Variants in MYO16 observed in about 807,000 individuals in gnomAD.
MYO16 encodes unconventional myosin-XVI.
MYO16 carries 94 observed loss-of-function variants against 205.3 expected under a neutral mutation model. The observed-to-expected ratio is 0.46, with a 90% CI of 0.39 to 0.54. The LOEUF (loss-of-function observed/expected upper bound fraction) is 0.54, where lower values mean the gene tolerates loss of function less well. MYO16 is among the 20% of genes least tolerant of loss of function. MYO16 has a pLI of 0.00. For missense variants in MYO16, 2,315 were observed against 2,387.5 expected (o/e 0.97, Z 0.63); for synonymous variants, 988 against 954.0 (o/e 1.04, Z -0.66).
chr13:108,794,890 G>A (rs866710880), intron 6 of MYO16, among the ~76,000 whole-genome samples: 6 of 152,160 alleles, frequency 3.9e-5, no homozygotes, highest in Admixed American at 6.6e-5. Flanking sequence ...GTGTGAGGTT[G>A]AAGACAGTTG....
intron 4 of MYO16, among the ~76,000 whole-genome samples, chr13:108,729,757 T>C (rs929219345): frequency 1.3e-5 from 2 of 152,212 alleles, no homozygotes; most frequent in Non-Finnish European, 2.9e-5. Flanking sequence ...TTGTGAGATC[T>C]CAGTTTCACT....
intron 23 of MYO16, among the ~76,000 whole-genome samples, chr13:109,038,533 C>T (rs936682046): frequency 3.3e-5 from 5 of 152,076 alleles, no homozygotes; most frequent in African/African-American, 1.2e-4. Flanking sequence ...GTCGACTTTC[C>T]TGGGTCTCCA....
At chr13:109,095,719 G>A (rs1305752563) in intron 27 of MYO16, among the ~76,000 whole-genome samples, 1 of 152,136 alleles carries the variant, frequency 6.6e-6, no homozygotes, top group Non-Finnish European at 1.5e-5. Context: ...AGACAATTAT[G>A]AGAGAGAATT....
chr13:108,631,586 C>G (rs980653860), intron 1 of MYO16, among the ~76,000 whole-genome samples: 1 of 152,154 alleles, frequency 6.6e-6, no homozygotes, highest in Admixed American at 6.5e-5. Flanking sequence ...TACTAAAGAT[C>G]TGACTGCTTT....
intron 16 of MYO16, among the ~76,000 whole-genome samples, chr13:108,918,381 C>T (rs1478040129): frequency 6.6e-6 from 1 of 152,186 alleles, no homozygotes; most frequent in Non-Finnish European, 1.5e-5. Context: ...TTTTGAGTGT[C>T]AGGCACAACA....
At chr13:109,113,028 A>G (rs1875474733) in intron 28 of MYO16, among the ~76,000 whole-genome samples, 2 of 152,248 alleles carry the variant, frequency 1.3e-5, no homozygotes, top group Non-Finnish European at 2.9e-5. Context: ...TACAAGGTAC[A>G]CTAGTGACAT....
chr13:108,778,410 G>A (rs1006416309), intron 4 of MYO16, among the ~76,000 whole-genome samples: 1 of 152,176 alleles, frequency 6.6e-6, no homozygotes, highest in Admixed American at 6.5e-5. Flanking sequence ...CTTGAGGTCA[G>A]GAGTTCAAGA....
Position 109,141,437 on chromosome 13 carries a change from T to C in MYO16, c.5164+61T>C. 3 of 1,109,264 alleles carry C rather than the reference T, an allele frequency of 2.7e-6. No homozygotes were observed. Among genetic ancestry groups the C allele is most frequent in the Middle Eastern group, 2.1e-4 (1 of 4,860 alleles). The allele number at this position is 1,109,264 out of a possible 1,614,324, so 68.7% of individuals were successfully genotyped here. On this transcript the variant is annotated intron_variant, in intron 32 of 34. Transcript: ENST00000457511. The surrounding 1 kb of genome is among the most constrained non-coding windows in gnomAD (Gnocchi z 4.1). ...TGGACGCTGTGCTTGCGTGCACCTG[T>C]GTACATCCGTGTCTGCGCAGATGTG... is the stretch of plus-strand genomic sequence containing the variant.
chr13:109,175,958 A>T (rs1010237766), intron 33 of MYO16, among the ~76,000 whole-genome samples: 7 of 152,202 alleles, frequency 4.6e-5, no homozygotes, highest in Non-Finnish European at 1.0e-4. Context: ...TATGTTAAAA[A>T]AAAAAAAGTT....
intron 1 of MYO16, among the ~76,000 whole-genome samples, chr13:108,598,530 CT>C (rs1161390323): frequency 1.3e-5 from 2 of 152,120 alleles, no homozygotes; most frequent in Non-Finnish European, 2.9e-5. Context: ...TAGGTTGACA[CT>C]TTTTGTTTTG....
At position 108,793,160 on chromosome 13, in the gene MYO16, C is replaced by T. The variant is rs557299920; in HGVS notation, c.617-356C>T. Among the ~76,000 whole-genome samples, 4 of 151,876 alleles carry T rather than the reference C, an allele frequency of 2.6e-5. No individual in the cohort carries two copies. The East Asian group carries it at 7.7e-4, about 29-fold the overall frequency. ...AATTAGCCGGGCGCAGTGGCGGGCGCCTGTAGTCCCAGCTACTCAGAAGGC... is the reference window on the plus strand; with the variant it reads ...AATTAGCCGGGCGCAGTGGCGGGCGTCTGTAGTCCCAGCTACTCAGAAGGC... On this transcript the variant is annotated intron_variant, in intron 5 of 34. Coordinates refer to ENST00000457511, the MANE Select transcript of MYO16 (RefSeq NM_001198950.3).
At chr13:109,170,643 G>A (rs879502281) in intron 33 of MYO16, among the ~76,000 whole-genome samples, 5 of 150,848 alleles carry the variant, frequency 3.3e-5, no homozygotes, top group Admixed American at 6.6e-5. Context: ...CTACAGCTTC[G>A]GAAATGATCC....
chr13:108,536,297 G>A, the MYO16 span, among the ~76,000 whole-genome samples: 5 of 152,122 alleles, frequency 3.3e-5, no homozygotes, highest in East Asian at 9.7e-4. Context: ...CCTTCTCAGG[G>A]ATTTAGTTTT....
intron 4 of MYO16, among the ~76,000 whole-genome samples, chr13:108,751,184 T>C (rs1185137537): frequency 1.3e-5 from 2 of 152,094 alleles, no homozygotes; most frequent in African/African-American, 4.8e-5. Flanking sequence ...CCCCATATAA[T>C]TCTCCAATTA....
rs534505884 is a variant in MYO16 at position 108,904,952 on chromosome 13, G to A, written c.1778-5051G>A. The stretch of plus-strand genomic sequence containing the variant: ...CACAAAACTGTCTCACCAAACATAC[G>A]CAGATAAAGTAAAATAATATACTGT... On this transcript the variant is annotated intron_variant, in intron 15 of 34. Coordinates refer to ENST00000457511, the MANE Select transcript of MYO16 (RefSeq NM_001198950.3). Among the ~76,000 whole-genome samples, 40 of 152,200 alleles carry A rather than the reference G, an allele frequency of 2.6e-4. No individual in the cohort carries two copies. The East Asian group carries it at 5.4e-3, about 21-fold the overall frequency.
chr13:108,629,985 C>G (rs976136563), intron 1 of MYO16, 113 bp downstream of exon 1: 5 of 786,348 alleles, frequency 6.4e-6, no homozygotes, highest in Non-Finnish European at 6.0e-6. Flanking sequence ...AGATGAGTGA[C>G]ATAGACTGGT....
intron 2 of MYO16, among the ~76,000 whole-genome samples, chr13:108,689,561 A>G (rs1252587952): frequency 4.6e-5 from 7 of 152,194 alleles, no homozygotes; most frequent in African/African-American, 1.4e-4. Flanking sequence ...TGCAATTATC[A>G]TATTTAGTAA....
chr13:108,509,704 G>A, the MYO16 span, among the ~76,000 whole-genome samples: 253 of 152,238 alleles, frequency 1.7e-3, no homozygotes, highest in African/African-American at 5.3e-3. Context: ...GTTAAATGAC[G>A]AGTTAATGGG....
At chr13:108,888,980 G>A (rs1031991585) in intron 14 of MYO16, among the ~76,000 whole-genome samples, 3 of 152,054 alleles carry the variant, frequency 2.0e-5, no homozygotes, top group Non-Finnish European at 4.4e-5. Context: ...GCTTGAAGCC[G>A]GGAGGCAGAG....
Sources: allele counts gnomAD v4.1 joint callset (sites outside exome capture counted in the v4.1 genomes callset), GRCh38; gene constraint gnomAD v4.1.1; non-coding constraint Gnocchi (gnomAD v3.1); transcripts MANE v1.5; gene names NCBI Gene and HGNC (gene_info 2026-07-23, HGNC 2026-07-21).